The following FSTL1 variants were observed in gnomAD, a reference collection of about 807,000 sequenced individuals.
FSTL1 encodes the protein follistatin-related protein 1.
In FSTL1, 24 loss-of-function variants were observed where a neutral mutation model predicts 45.9. That is an observed-to-expected ratio of 0.52 (90% CI 0.38 to 0.74). The LOEUF (loss-of-function observed/expected upper bound fraction) is 0.74. Among genes scored for constraint, FSTL1 ranks in the 30% least tolerant of loss-of-function variants. The probability of loss-of-function intolerance (pLI) is 0.00; values close to 1 mark genes in which losing one functional copy is unlikely to be tolerated. For synonymous variants in FSTL1, 120 were observed against 137.6 expected (o/e 0.87, Z 0.89); for missense variants, 340 against 381.8 (o/e 0.89, Z 0.91).
At chr3:120,423,718 T>C (rs1042387446) in intron 2 of FSTL1, 1 of 152,224 alleles carries the variant, frequency 6.6e-6, no homozygotes, top group Non-Finnish European at 1.5e-5. Flanking sequence ...CCACTGCTAC[T>C]GACAGGGTCT....
At position 120,411,845 on chromosome 3, in the gene FSTL1, A is replaced by C. The variant is rs1476082684; in HGVS notation, c.298+9T>G. 9.3e-6 allele frequency: 15 copies of C among 1,612,820 alleles called. No homozygotes were observed. The South Asian group carries it at 1.6e-4, about 18-fold the overall frequency. On this transcript the variant is annotated intron_variant, in intron 4 of 10. Transcript: ENST00000295633. ...AAAGCTGCCTTGCAGTGGTGAGAGCACACCTTACCTTTGCAGTGTCCATCG... is the reference window on the plus strand; with the variant it reads ...AAAGCTGCCTTGCAGTGGTGAGAGCCCACCTTACCTTTGCAGTGTCCATCG...
rs985995961 is a variant in FSTL1, at chr3:120,396,382, G to T, written c.*570C>A. On this transcript the variant is annotated 3_prime_UTR_variant, in exon 11 of 11. Coordinates refer to ENST00000295633, the MANE Select transcript of FSTL1 (RefSeq NM_007085.5). Reference sequence around the variant, plus strand: ...AAGTATACAAGTATCTGCATCATTTGGGTGTACCCTCCCAGAAACTCCATC... The same window carrying T: ...AAGTATACAAGTATCTGCATCATTTTGGTGTACCCTCCCAGAAACTCCATC... The T allele has an allele frequency of 6.5e-6, 1 of 153,276 alleles. No homozygotes were observed. The highest frequency in any genetic ancestry group is 1.5e-5 in the Non-Finnish European group (1 of 68,650). 9.5% of individuals were successfully genotyped at this position (153,276 alleles called of 1,614,324 possible). A position where few individuals can be genotyped will look rare whatever the true frequency, so the allele number is the denominator to read the frequency against.
intron 3 of FSTL1, among the ~76,000 whole-genome samples, chr3:120,412,791 TAGGC>T (rs1441292096): frequency 6.7e-6 from 1 of 148,500 alleles, no homozygotes; most frequent in Non-Finnish European, 1.5e-5. Context: ...GAGAGGCTGA[TAGGC>T]AGGCAGGCAA....
intron 2 of FSTL1, among the ~76,000 whole-genome samples, chr3:120,450,338 C>T (rs1455934582): frequency 1.3e-5 from 2 of 152,168 alleles, no homozygotes; most frequent in African/African-American, 4.8e-5. Context: ...TACTCTCAGT[C>T]TCCTCTGAAG....
rs1049782490 is a variant in FSTL1, at chr3:120,392,809, A to G, written c.*4143T>C. 2 of 152,152 alleles carry G rather than the reference A, an allele frequency of 1.3e-5. No individual in the cohort carries two copies. Among genetic ancestry groups the G allele is most frequent in the East Asian group, 1.9e-4 (1 of 5,190 alleles). 9.4% of individuals were successfully genotyped at this position (152,152 alleles called of 1,614,324 possible). On this transcript the variant is annotated 3_prime_UTR_variant, in exon 11 of 11. Transcript: ENST00000295633. ...TCTGCTTAGATCTATCTATGCATTC[A>G]TATTTTTTCCCTTCCTTCCTTCCCC...
At chr3:120,414,126 C>A (rs866050699) in intron 3 of FSTL1, among the ~76,000 whole-genome samples, 3 of 151,818 alleles carry the variant, frequency 2.0e-5, no homozygotes, top group African/African-American at 7.3e-5. Context: ...GATCTCGGCT[C>A]GCTACAACCT....
intron 2 of FSTL1, among the ~76,000 whole-genome samples, chr3:120,426,601 G>A (rs528097299): frequency 5.3e-5 from 8 of 152,122 alleles, no homozygotes; most frequent in Admixed American, 1.3e-4. Context: ...TTGCTTCCCT[G>A]AGCTGGAACA....
intron 2 of FSTL1, among the ~76,000 whole-genome samples, chr3:120,439,152 A>G (rs2107670377): frequency 6.6e-6 from 1 of 152,318 alleles, no homozygotes. Context: ...AAGGCCGGAA[A>G]GCCTGCTCGG....
intron 2 of FSTL1, among the ~76,000 whole-genome samples, chr3:120,450,071 A>G (rs1448738441): frequency 6.6e-6 from 1 of 152,110 alleles, no homozygotes; most frequent in Non-Finnish European, 1.5e-5. Context: ...TGGAAACTCG[A>G]GCCCCCAAAG....
rs142205614 is a variant in FSTL1 at position 120,427,728 on chromosome 3, G to A, written c.64-11701C>T. ...TTAATGAGGTAGAAGAGCAACGGAG[G>A]ACGAAAATGGCTTTCAGTCATTTCC... is the stretch of plus-strand genomic sequence containing the variant. On this transcript the variant is annotated intron_variant, in intron 2 of 10. Coordinates refer to ENST00000295633, the MANE Select transcript of FSTL1 (RefSeq NM_007085.5). Among the ~76,000 whole-genome samples, 3 of 152,340 alleles carry A rather than the reference G, an allele frequency of 2.0e-5. No individual in the cohort carries two copies. The East Asian group carries it at 5.8e-4, about 29-fold the overall frequency.
intron 2 of FSTL1, among the ~76,000 whole-genome samples, chr3:120,426,564 T>C (rs1283348914): frequency 6.6e-6 from 1 of 152,202 alleles, no homozygotes; most frequent in East Asian, 1.9e-4. Flanking sequence ...CTGCTGGGAA[T>C]AGAATCCACT....
chr3:120,446,013 T>C (rs1458029749), intron 2 of FSTL1, among the ~76,000 whole-genome samples: 4 of 141,128 alleles, frequency 2.8e-5, no homozygotes, highest in Non-Finnish European at 5.9e-5. Context: ...ACATTAATCA[T>C]CTGGCTTACA....
At chr3:120,405,744 T>G (rs965969271) in intron 6 of FSTL1, among the ~76,000 whole-genome samples, 2 of 152,206 alleles carry the variant, frequency 1.3e-5, no homozygotes, top group African/African-American at 4.8e-5. Flanking sequence ...CACACTGTTC[T>G]CTATGGCAAG....
intron 9 of FSTL1, among the ~76,000 whole-genome samples, chr3:120,402,564 A>G (rs1147699): frequency 0.42 from 64,003 of 151,700 alleles, 14,196 homozygotes; most frequent in Non-Finnish European, 0.49. Context: ...ACTTTTGCCC[A>G]GGGTCTTGGT....
intron 2 of FSTL1, among the ~76,000 whole-genome samples, chr3:120,430,322 G>A (rs1937455420): frequency 6.6e-6 from 1 of 152,164 alleles, no homozygotes; most frequent in Non-Finnish European, 1.5e-5. Context: ...CCTGGTTTAA[G>A]GCTGGGAGTC....
chr3:120,415,879 T>A, intron 3 of FSTL1, 44 bp downstream of exon 3: 5 of 1,187,636 alleles, frequency 4.2e-6, no homozygotes, highest in Non-Finnish European at 6.3e-6. Context: ...AGGTACCACA[T>A]TGGCCTTGGC....
chr3:120,421,475 G>C (rs1477022618), intron 2 of FSTL1: 1 of 152,486 alleles, frequency 6.6e-6, no homozygotes, highest in Non-Finnish European at 1.5e-5. Flanking sequence ...GGAGAGCAGG[G>C]GGAGGTCTGC....
chr3:120,419,302 G>A (rs1937239561), intron 2 of FSTL1: 1 of 152,254 alleles, frequency 6.6e-6, no homozygotes, highest in Non-Finnish European at 1.5e-5. Flanking sequence ...CCCATTCACA[G>A]GCATGCTTTG....
intron 3 of FSTL1, among the ~76,000 whole-genome samples, chr3:120,412,819 TGCGCGC>T (rs67648835): frequency 3.3e-4 from 23 of 68,842 alleles, no homozygotes; most frequent in Admixed American, 1.1e-3. Context: ...CACACACATG[TGCGCGC>T]GCGCGCGCGC....
Sources: allele counts gnomAD v4.1 joint callset (sites outside exome capture counted in the v4.1 genomes callset), GRCh38; gene constraint gnomAD v4.1.1; transcripts MANE v1.5; gene names NCBI Gene and HGNC (gene_info 2026-07-23, HGNC 2026-07-21).